RHBDD1: variants seen among roughly 807,000 people sequenced by gnomAD.
RHBDD1 encodes rhomboid-related protein 4.
Under a neutral mutation model 36.3 loss-of-function variants are expected in RHBDD1, and 38 were observed. That is an observed-to-expected ratio of 1.05 (90% confidence interval 0.81 to 1.37). RHBDD1 has a LOEUF of 1.37. Ranked by LOEUF, RHBDD1 falls within the 40% of genes most tolerant of loss-of-function variation. The pLI is 0.00. For synonymous variants in RHBDD1, 151 were observed against 136.5 expected (o/e 1.11, Z -0.74); for missense variants, 393 against 377.6 (o/e 1.04, Z -0.34).
chr2:226,958,702 C>CTGTA (rs1433001499), intron 8 of RHBDD1, among the ~76,000 whole-genome samples: 1 of 138,826 alleles, frequency 7.2e-6, no homozygotes, highest in African/African-American at 2.7e-5. Flanking sequence ...AAGGATTTTT[C>CTGTA]TGTGTGTGTG....
chr2:226,924,942 A>C (rs915624378), intron 8 of RHBDD1, among the ~76,000 whole-genome samples: 8 of 152,222 alleles, frequency 5.3e-5, no homozygotes, highest in African/African-American at 1.4e-4. Context: ...AGTGTTGTGA[A>C]GTTAAAACCA....
chr2:226,866,649 A>G (rs984884276), intron 4 of RHBDD1, among the ~76,000 whole-genome samples: 6 of 152,228 alleles, frequency 3.9e-5, no homozygotes, highest in Admixed American at 3.3e-4. Context: ...GGCGTTCTAA[A>G]TATTAGAATG....
At chr2:226,855,025 A>G (rs140512558) in intron 3 of RHBDD1, among the ~76,000 whole-genome samples, 45 of 152,220 alleles carry the variant, frequency 3.0e-4, no homozygotes, top group African/African-American at 9.9e-4. Flanking sequence ...TTAAATCCCA[A>G]CTCCTCAGAG....
chr2:226,967,167 A>G (rs1244781007), intron 8 of RHBDD1, among the ~76,000 whole-genome samples: 1 of 152,160 alleles, frequency 6.6e-6, no homozygotes, highest in Non-Finnish European at 1.5e-5. Context: ...CGTTCCCAAG[A>G]GTAAATTGCA....
At position 226,998,579 on chromosome 2, in the gene RHBDD1, CT is replaced by C. The variant is rs546682047; in HGVS notation, c.*3058del. The C allele has an allele frequency of 6.6e-6, 1 of 151,994 alleles. No individual in the cohort carries two copies. Among genetic ancestry groups the C allele is most frequent in the African/African-American group, 2.4e-5 (1 of 41,368 alleles). The allele number at this position is 151,994 out of a possible 1,614,324, so 9.4% of individuals were successfully genotyped here. ...ATTGCAGTCATTCCCTAAGTTTCTTCTCTTTTTTTTTCATGGCTGCTAGTAT... is the reference window on the plus strand; with the variant it reads ...ATTGCAGTCATTCCCTAAGTTTCTTCCTTTTTTTTTCATGGCTGCTAGTAT... On this transcript the variant is annotated 3_prime_UTR_variant, in exon 9 of 9. Coordinates refer to ENST00000392062, the MANE Select transcript of RHBDD1 (RefSeq NM_001167608.3).
At chr2:226,845,444 C>T (rs569322525) in intron 3 of RHBDD1, among the ~76,000 whole-genome samples, 36 of 152,284 alleles carry the variant, frequency 2.4e-4, no homozygotes, top group African/African-American at 7.7e-4. Flanking sequence ...GCTGGTGTAT[C>T]GTAGAGCCAA....
chr2:226,885,861 A>G (rs760872230), intron 5 of RHBDD1, among the ~76,000 whole-genome samples: 10 of 152,152 alleles, frequency 6.6e-5, no homozygotes, highest in Non-Finnish European at 1.2e-4. Flanking sequence ...AGAACAATAT[A>G]TATGCTGGGT....
At chr2:226,921,482 C>A (rs189646570) in intron 8 of RHBDD1, among the ~76,000 whole-genome samples, 1 of 152,064 alleles carries the variant, frequency 6.6e-6, no homozygotes, top group South Asian at 2.1e-4. Context: ...CTATAAACTT[C>A]CCTCTTAGTC....
chr2:226,938,744 G>GA (rs368189548), intron 8 of RHBDD1, among the ~76,000 whole-genome samples: 4,320 of 144,064 alleles, frequency 0.03, 184 homozygotes, highest in African/African-American at 0.099. Flanking sequence ...AAAAATGAAA[G>GA]AAAAAAAAAA....
chr2:226,855,510 C>T (rs1943236101), intron 3 of RHBDD1, among the ~76,000 whole-genome samples: 1 of 151,978 alleles, frequency 6.6e-6, no homozygotes, highest in South Asian at 2.1e-4. Context: ...CTCTAAAAAA[C>T]AAAAAACCCT....
At chr2:226,910,598 G>A (rs773197467) in intron 7 of RHBDD1, among the ~76,000 whole-genome samples, 33 of 151,708 alleles carry the variant, frequency 2.2e-4, no homozygotes, top group Non-Finnish European at 3.7e-4. Context: ...TGTGTATAAG[G>A]AACAGATGGA....
intron 5 of RHBDD1, among the ~76,000 whole-genome samples, chr2:226,905,480 C>T (rs977180650): frequency 1.3e-5 from 2 of 152,132 alleles, no homozygotes; most frequent in Non-Finnish European, 2.9e-5. Flanking sequence ...ATGAGGTCTC[C>T]ACCCTCTGAC....
intron 8 of RHBDD1, among the ~76,000 whole-genome samples, chr2:226,984,677 T>C (rs1473697369): frequency 6.6e-6 from 1 of 152,178 alleles, no homozygotes. Flanking sequence ...ATTAGAAATA[T>C]TCTCCTGAAA....
intron 8 of RHBDD1, among the ~76,000 whole-genome samples, chr2:226,930,687 C>T (rs1251167065): frequency 1.3e-5 from 2 of 151,824 alleles, no homozygotes; most frequent in African/African-American, 4.8e-5. Context: ...AAATAATTAT[C>T]AGAGTAAAAT....
chr2:226,955,215 G>C (rs1951711335), intron 8 of RHBDD1, among the ~76,000 whole-genome samples: 1 of 152,170 alleles, frequency 6.6e-6, no homozygotes. Flanking sequence ...CAGAAGGTGG[G>C]AGACAGGAGC....
At chr2:226,911,236 G>A (rs932470171) in intron 7 of RHBDD1, among the ~76,000 whole-genome samples, 12 of 152,086 alleles carry the variant, frequency 7.9e-5, no homozygotes, top group African/African-American at 2.9e-4. Context: ...AGCATTTTTG[G>A]GGGTGGATAG....
At chr2:226,818,698 G>T in the RHBDD1 span, among the ~76,000 whole-genome samples, 1 of 151,646 alleles carries the variant, frequency 6.6e-6, no homozygotes, top group African/African-American at 2.4e-5. Flanking sequence ...AGTTAGCCAG[G>T]CGTGGTGGCG....
intron 8 of RHBDD1, among the ~76,000 whole-genome samples, chr2:226,973,632 T>C (rs1425575085): frequency 2.6e-5 from 4 of 152,236 alleles, no homozygotes; most frequent in Non-Finnish European, 5.9e-5. Context: ...TGAATTGTTT[T>C]CTTCCAGAGA....
At chr2:226,992,719 A>T (rs1311365044) in intron 8 of RHBDD1, among the ~76,000 whole-genome samples, 2 of 152,232 alleles carry the variant, frequency 1.3e-5, no homozygotes, top group East Asian at 3.8e-4. Context: ...TCCATGAAGA[A>T]AAGGGACACT....
Sources: allele counts gnomAD v4.1 joint callset (sites outside exome capture counted in the v4.1 genomes callset), GRCh38; gene constraint gnomAD v4.1.1; transcripts MANE v1.5; gene names NCBI Gene and HGNC (gene_info 2026-07-23, HGNC 2026-07-21).